PPFIA4: variants seen among roughly 807,000 people sequenced by gnomAD.
The protein encoded by PPFIA4 is liprin-alpha-4.
PPFIA4 carries 98 observed loss-of-function variants against 145.7 expected under a neutral mutation model. That is an observed-to-expected ratio of 0.67 (90% CI 0.57 to 0.80). The LOEUF (loss-of-function observed/expected upper bound fraction) is 0.80. Among genes scored for constraint, PPFIA4 ranks in the 30% least tolerant of loss-of-function variants. PPFIA4 has a pLI of 0.00. For missense variants in PPFIA4, 1,457 were observed against 1,632.7 expected (o/e 0.89, Z 1.85); for synonymous variants, 628 against 649.6 (o/e 0.97, Z 0.51).
At chr1:203,065,373 G>A (rs1188776185) in intron 25 of PPFIA4, among the ~76,000 whole-genome samples, 1 of 151,926 alleles carries the variant, frequency 6.6e-6, no homozygotes, top group East Asian at 1.9e-4. Flanking sequence ...CCCGGAGGCT[G>A]CCAGGCCCAG....
rs895385004 is a variant in PPFIA4 at position 203,043,639 on chromosome 1, C to T, written c.336+141C>T. 3 of 808,950 alleles carry T rather than the reference C, an allele frequency of 3.7e-6. No individual in the cohort carries two copies. The highest frequency in any genetic ancestry group is 2.3e-5 in the Admixed American group (1 of 43,588). The allele number at this position is 808,950 out of a possible 1,614,324, so 50.1% of individuals were successfully genotyped here. A position where few individuals can be genotyped will look rare whatever the true frequency, so the allele number is the denominator to read the frequency against. ...AGCTCAAGCCCCATCCTTCCCTCTT[C>T]CTGTCTCCCATCCTGGGGTGAGAGT... On this transcript the variant is annotated intron_variant, in intron 3 of 29. Transcript: ENST00000295706. This position sits in a 1 kb window ranked among gnomAD's most constrained non-coding sequence, Gnocchi z 4.4.
intron 28 of PPFIA4, among the ~76,000 whole-genome samples, chr1:203,073,576 CTTGAG>C (rs1296605280): frequency 1.3e-5 from 2 of 152,162 alleles, no homozygotes; most frequent in African/African-American, 4.8e-5. Flanking sequence ...CATCAGCAAC[CTTGAG>C]TTGTCTCTTG....
Position 203,056,111 on chromosome 1 carries a change from C to G in PPFIA4, c.2071-9C>G, listed in dbSNP as rs1275841899. The G allele has an allele frequency of 6.2e-6, 10 of 1,613,898 alleles. No individual in the cohort carries two copies. The highest frequency in any genetic ancestry group is 8.5e-6 in the Non-Finnish European group (10 of 1,179,888). ...TGAGTCTGAGCTTACCCATCCCTCT[C>G]TCTTGCAGCCCAGTGACTTAAGAAA... On this transcript the variant is annotated splice_polypyrimidine_tract_variant and intron_variant, in intron 16 of 29. Coordinates refer to ENST00000295706, the MANE Select transcript of PPFIA4 (RefSeq NM_001304331.2).
intron 28 of PPFIA4, among the ~76,000 whole-genome samples, chr1:203,074,998 GTTA>G (rs1662418620): frequency 6.6e-6 from 1 of 152,138 alleles, no homozygotes; most frequent in African/African-American, 2.4e-5. Flanking sequence ...TAGGGCAGAT[GTTA>G]TTATTCTCAT....
intron 15 of PPFIA4, 40 bp downstream of exon 15, chr1:203,054,001 G>T: frequency 6.5e-7 from 1 of 1,543,302 alleles, no homozygotes; most frequent in East Asian, 2.4e-5. Context: ...TGCATTGAAG[G>T]GCAGGGGGGC....
In PPFIA4 at chr1:203,076,442, G is replaced by A. The variant is rs545116879; in HGVS notation, c.*52G>A. The A allele has an allele frequency of 3.2e-6, 5 of 1,540,524 alleles. No homozygotes were observed. The highest frequency in any genetic ancestry group is 4.5e-6 in the Non-Finnish European group (5 of 1,120,218). The stretch of plus-strand genomic sequence containing the variant: ...CTTCTGGGTTTCACAGGCTCCTCTG[G>A]CCCTGACCCCTCTTGCTCGTTCCCC... On this transcript the variant is annotated 3_prime_UTR_variant, in exon 30 of 30. Coordinates refer to ENST00000295706, the MANE Select transcript of PPFIA4 (RefSeq NM_001304331.2).
Position 203,048,766 on chromosome 1 carries a change from CG to C in PPFIA4, c.1356+58del. The C allele has an allele frequency of 8.1e-6, 3 of 372,508 alleles. No homozygotes were observed. Among genetic ancestry groups the C allele is most frequent in the Non-Finnish European group, 1.1e-5 (3 of 268,224 alleles). 23.1% of individuals were successfully genotyped at this position (372,508 alleles called of 1,614,324 possible). The stretch of plus-strand genomic sequence containing the variant: ...CGAGAGGTTAGTGCTGGGTGTGGGG[CG>C]GGGGGAGGCGGGACTGTGATGGGCG... On this transcript the variant is annotated intron_variant, in intron 11 of 29. Transcript: ENST00000295706. The surrounding 1 kb of genome is among the most constrained non-coding windows in gnomAD (Gnocchi z 5.8).
At position 203,048,791 on chromosome 1, in the gene PPFIA4, C is replaced by T. The variant is rs986367280; in HGVS notation, c.1356+77C>T. The T allele has an allele frequency of 1.6e-5, 24 of 1,537,642 alleles. No individual in the cohort carries two copies. Among genetic ancestry groups the T allele is most frequent in the African/African-American group, 5.5e-5 (4 of 72,170 alleles). On this transcript the variant is annotated intron_variant, in intron 11 of 29. Coordinates refer to ENST00000295706, the MANE Select transcript of PPFIA4 (RefSeq NM_001304331.2). This position sits in a 1 kb window ranked among gnomAD's most constrained non-coding sequence, Gnocchi z 5.8. ...CGGGGGGAGGCGGGACTGTGATGGG[C>T]GCAGGCGGGGTCTCAATGGGGTGGG...
At chr1:203,057,121 G>A (rs1017334010) in intron 19 of PPFIA4, among the ~76,000 whole-genome samples, 171 bp downstream of exon 19, 7 of 152,356 alleles carry the variant, frequency 4.6e-5, no homozygotes, top group East Asian at 1.9e-4. Flanking sequence ...TATTCATGGC[G>A]GGGTGGATTG....
intron 1 of PPFIA4, among the ~76,000 whole-genome samples, chr1:203,031,965 G>A (rs992029652): frequency 1.3e-5 from 2 of 151,724 alleles, no homozygotes; most frequent in African/African-American, 4.8e-5. Flanking sequence ...GTGGAAAATG[G>A]TTGGCTCCTG....
chr1:203,043,336 T>G lies in PPFIA4; in HGVS notation c.235-61T>G. The G allele has an allele frequency of 7.0e-7, 1 of 1,434,368 alleles. No homozygotes were observed. Among genetic ancestry groups the G allele is most frequent in the Non-Finnish European group, 9.6e-7 (1 of 1,038,862 alleles). 88.9% of individuals were successfully genotyped at this position (1,434,368 alleles called of 1,614,324 possible). A position where few individuals can be genotyped will look rare whatever the true frequency, so the allele number is the denominator to read the frequency against. ...GAGAGGATCCCACCACTGACTTGCA[T>G]GTGCAGGACACTGCTTTGGGGGTGA... On this transcript the variant is annotated intron_variant, in intron 2 of 29. Transcript: ENST00000295706. This position sits in a 1 kb window ranked among gnomAD's most constrained non-coding sequence, Gnocchi z 4.4.
At chr1:203,051,912 G>C in intron 14 of PPFIA4, 35 bp downstream of exon 14, 1 of 1,600,370 alleles carries the variant, frequency 6.2e-7, no homozygotes, top group Non-Finnish European at 8.5e-7. Context: ...AGGGAGTTTG[G>C]GGTCAATTCG....
chr1:203,075,001 A>G lies in PPFIA4; in HGVS notation c.3394-576A>G, dbSNP rs966129486. Among the ~76,000 whole-genome samples the G allele has an allele frequency of 5.9e-5, 9 of 152,038 alleles. No individual in the cohort carries two copies. The highest frequency in any genetic ancestry group is 1.7e-4 in the African/African-American group (7 of 41,388). On this transcript the variant is annotated intron_variant, in intron 28 of 29. Transcript: ENST00000295706. This position sits in a 1 kb window ranked among gnomAD's most constrained non-coding sequence, Gnocchi z 4.1. The stretch of plus-strand genomic sequence containing the variant: ...CTGAGAAACAGGTAGGGCAGATGTT[A>G]TTATTCTCATTTTACAGATAAGGAA...
rs1660243355 is a variant in PPFIA4 at position 203,048,455 on chromosome 1, G to C, written c.1225-128G>C. 1.1e-5 allele frequency: 16 copies of C among 1,468,906 alleles called. No individual in the cohort carries two copies. The South Asian group carries it at 2.0e-4, about 18-fold the overall frequency. 91.0% of individuals were successfully genotyped at this position (1,468,906 alleles called of 1,614,324 possible). ...AGGAGGCTGGCAGGTGAAGGGGGAG[G>C]TGGTCAGGAGACTGGAGAGAGTGGC... is the stretch of plus-strand genomic sequence containing the variant. On this transcript the variant is annotated intron_variant, in intron 10 of 29. Coordinates refer to ENST00000295706, the MANE Select transcript of PPFIA4 (RefSeq NM_001304331.2). This position sits in a 1 kb window ranked among gnomAD's most constrained non-coding sequence, Gnocchi z 5.8.
Position 203,056,479 on chromosome 1 carries a change from C to T in PPFIA4, c.2211C>T (p.His737=). 1 of 1,613,968 alleles carries T rather than the reference C, an allele frequency of 6.2e-7. No homozygotes were observed. Among genetic ancestry groups the T allele is most frequent in the Non-Finnish European group, 8.5e-7 (1 of 1,179,880 alleles). The part of the protein sequence containing the change: ...PRTLRLEKLG[H]PALSQEEGKS... ...CGCTGCGGCTAGAGAAGCTTGGCCA[C>T]CCAGCCCTGAGCCAGGAAGAAGGCA... The change falls in exon 18 of 30, where the codon CAC becomes CAT. Residue 737 remains histidine (H), a synonymous_variant. Transcript: ENST00000295706.
chr1:203,056,107 C>T lies in PPFIA4; in HGVS notation c.2071-13C>T. ...AGGGTGAGTCTGAGCTTACCCATCC[C>T]TCTCTCTTGCAGCCCAGTGACTTAA... On this transcript the variant is annotated splice_polypyrimidine_tract_variant and intron_variant, in intron 16 of 29. Transcript: ENST00000295706. 1.2e-6 allele frequency: 2 copies of T among 1,613,994 alleles called. No homozygotes were observed. Among genetic ancestry groups the T allele is most frequent in the Admixed American group, 1.7e-5 (1 of 60,030 alleles).
chr1:203,045,222 G>A (rs1352194297), intron 6 of PPFIA4, 146 bp from the exon 7 acceptor site: 3 of 702,526 alleles, frequency 4.3e-6, no homozygotes, highest in African/African-American at 3.6e-5. Flanking sequence ...GAGGGAGGCA[G>A]TTGTAGCCAG....
At position 203,048,553 on chromosome 1, in the gene PPFIA4, C is replaced by T. The variant is rs1038883505; in HGVS notation, c.1225-30C>T. 19 of 1,560,004 alleles carry T rather than the reference C, an allele frequency of 1.2e-5. No individual in the cohort carries two copies. Among genetic ancestry groups the T allele is most frequent in the South Asian group, 5.9e-5 (5 of 84,682 alleles). ...GAGAGGGTGGTCCTCCCTGGGAGGG[C>T]GGCCTGGTGCGAGGCAGACGGCTGT... On this transcript the variant is annotated intron_variant, in intron 10 of 29. Transcript: ENST00000295706. This position sits in a 1 kb window ranked among gnomAD's most constrained non-coding sequence, Gnocchi z 5.8.
intron 5 of PPFIA4, 100 bp downstream of exon 5, chr1:203,044,553 G>A (rs1659928839): frequency 2.1e-6 from 3 of 1,417,548 alleles, no homozygotes; most frequent in African/African-American, 2.8e-5. Flanking sequence ...CCCTGCCATG[G>A]CTGGAAGCTG....
Sources: allele counts gnomAD v4.1 joint callset (sites outside exome capture counted in the v4.1 genomes callset), GRCh38; gene constraint gnomAD v4.1.1; non-coding constraint Gnocchi (gnomAD v3.1); transcripts MANE v1.5; gene names NCBI Gene and HGNC (gene_info 2026-07-23, HGNC 2026-07-21).